Variants in LINGO2 observed in about 807,000 individuals in gnomAD.
The protein encoded by LINGO2 is leucine rich repeat and Ig domain containing 2, also known as leucine-rich repeat and immunoglobulin-like domain-containing nogo receptor-interacting protein 2.
In LINGO2, 14 loss-of-function variants were observed where a neutral mutation model predicts 30.6. The ratio of observed to expected loss-of-function variants is 0.46; its 90% CI spans 0.30 to 0.72. LINGO2 has a LOEUF of 0.72. Ranked by LOEUF, LINGO2 falls within the 30% of genes least tolerant of loss-of-function variation. The probability of loss-of-function intolerance (pLI) is 0.07; values close to 1 mark genes in which losing one functional copy is unlikely to be tolerated. For synonymous variants in LINGO2, 317 were observed against 288.5 expected, an observed-to-expected ratio of 1.10 and a Z score of -1.00; for missense variants, 729 against 751.7, an observed-to-expected ratio of 0.97 and a Z score of 0.35.
the LINGO2 span, among the ~76,000 whole-genome samples, chr9:29,212,821 G>C: frequency 6.6e-6 from 1 of 152,266 alleles, no homozygotes; most frequent in South Asian, 2.1e-4. Flanking sequence ...AGCGACGCCC[G>C]GAGAGATCCT....
chr9:28,108,606 T>C (rs2133348419), intron 4 of LINGO2, among the ~76,000 whole-genome samples: 1 of 152,138 alleles, frequency 6.6e-6, no homozygotes, highest in Admixed American at 6.6e-5. Flanking sequence ...TCTTAGTACT[T>C]CCCTCTTTAC....
the LINGO2 span, among the ~76,000 whole-genome samples, chr9:28,970,509 T>G: frequency 6.6e-6 from 1 of 152,088 alleles, no homozygotes; most frequent in African/African-American, 2.4e-5. Flanking sequence ...CTCGAATCGC[T>G]AATGCAACCC....
intron 1 of LINGO2, among the ~76,000 whole-genome samples, chr9:28,618,118 C>T (rs1234696460): frequency 6.6e-6 from 1 of 152,090 alleles, no homozygotes; most frequent in Non-Finnish European, 1.5e-5. Flanking sequence ...TAAAACTGGT[C>T]TTAAATTCTA....
chr9:28,216,295 A>G (rs1439403381), intron 4 of LINGO2, among the ~76,000 whole-genome samples: 1 of 151,958 alleles, frequency 6.6e-6, no homozygotes, highest in African/African-American at 2.4e-5. Flanking sequence ...ACTAGGATAA[A>G]ATTTTGGACC....
chr9:28,627,899 G>C (rs1826753303), intron 1 of LINGO2, among the ~76,000 whole-genome samples: 1 of 151,918 alleles, frequency 6.6e-6, no homozygotes, highest in South Asian at 2.1e-4. Flanking sequence ...TTAGGCATTA[G>C]AAATTTTGAC....
the LINGO2 span, among the ~76,000 whole-genome samples, chr9:29,005,583 T>C: frequency 5.3e-5 from 8 of 152,100 alleles, no homozygotes; most frequent in East Asian, 1.4e-3. Flanking sequence ...TAAAAAGATA[T>C]ACATGCTATG....
At chr9:28,749,589 T>C in the LINGO2 span, among the ~76,000 whole-genome samples, 1 of 151,322 alleles carries the variant, frequency 6.6e-6, no homozygotes, top group African/African-American at 2.4e-5. Flanking sequence ...AAGAGTTTAA[T>C]CAGCATTTAT....
downstream of LINGO2, among the ~76,000 whole-genome samples, chr9:27,944,878 G>C (rs1823304535): frequency 6.6e-6 from 1 of 152,036 alleles, no homozygotes; most frequent in South Asian, 2.1e-4. Context: ...GGTATAAAAA[G>C]GACTTCAGTG....
At chr9:29,148,877 C>T in the LINGO2 span, among the ~76,000 whole-genome samples, 2 of 152,120 alleles carry the variant, frequency 1.3e-5, no homozygotes, top group African/African-American at 2.4e-5. Flanking sequence ...TAAAACAATA[C>T]ATAAAGCTAT....
chr9:28,279,369 G>T (rs1176439670), intron 4 of LINGO2, among the ~76,000 whole-genome samples: 4 of 152,274 alleles, frequency 2.6e-5, no homozygotes, highest in Non-Finnish European at 5.9e-5. Context: ...ATGATACAGA[G>T]AAATCTTTTA....
At chr9:27,954,676 A>C (rs1819480178) in intron 5 of LINGO2, among the ~76,000 whole-genome samples, 1 of 152,156 alleles carries the variant, frequency 6.6e-6, no homozygotes, top group Admixed American at 6.5e-5. Context: ...TATACCTTTG[A>C]TATACTGTGT....
At chr9:29,199,974 G>A in the LINGO2 span, among the ~76,000 whole-genome samples, 12 of 151,920 alleles carry the variant, frequency 7.9e-5, no homozygotes, top group African/African-American at 2.9e-4. Context: ...GAAGCTTAAC[G>A]AAAACTATCA....
chr9:28,307,074 T>C (rs906745033), intron 3 of LINGO2, among the ~76,000 whole-genome samples: 13 of 152,084 alleles, frequency 8.5e-5, no homozygotes, highest in African/African-American at 2.7e-4. Flanking sequence ...CCCTAACTCA[T>C]TTTATGAGGC....
At chr9:28,704,797 T>A in the LINGO2 span, among the ~76,000 whole-genome samples, 1 of 152,254 alleles carries the variant, frequency 6.6e-6, no homozygotes, top group South Asian at 2.1e-4. Flanking sequence ...CACCTAACTG[T>A]TCTTGCATAT....
intron 2 of LINGO2, among the ~76,000 whole-genome samples, chr9:28,375,125 CACACACACATACA>C (rs1821074457): frequency 3.5e-5 from 4 of 114,246 alleles, no homozygotes; most frequent in Admixed American, 8.9e-5. Context: ...CACACACACA[CACACACACATACA>C]CCCCACACTA....
the LINGO2 span, among the ~76,000 whole-genome samples, chr9:28,767,552 G>A: frequency 9.3e-3 from 1,409 of 152,018 alleles, 23 homozygotes; most frequent in African/African-American, 0.032. Context: ...TTGGGAGGCC[G>A]AGGCAGGCAG....
chr9:28,018,001 G>A (rs1324048949), intron 4 of LINGO2, among the ~76,000 whole-genome samples: 1 of 152,030 alleles, frequency 6.6e-6, no homozygotes, highest in African/African-American at 2.4e-5. Flanking sequence ...TATTGGAACA[G>A]AAACAGACCC....
chr9:28,400,943 T>C (rs146863692), intron 2 of LINGO2, among the ~76,000 whole-genome samples: 1 of 152,330 alleles, frequency 6.6e-6, no homozygotes, highest in African/African-American at 2.4e-5. Context: ...ACAGATCTTT[T>C]GAAATCATTT....
chr9:29,170,047 T>C, the LINGO2 span, among the ~76,000 whole-genome samples: 5 of 151,908 alleles, frequency 3.3e-5, no homozygotes, highest in Non-Finnish European at 5.9e-5. Flanking sequence ...TATGGAGATT[T>C]CTCAAATAAC....
Sources: allele counts gnomAD v4.1 joint callset (sites outside exome capture counted in the v4.1 genomes callset), GRCh38; gene constraint gnomAD v4.1.1; transcripts MANE v1.5; gene names NCBI Gene and HGNC (gene_info 2026-07-23, HGNC 2026-07-21).